Variants in MUC22 observed in about 807,000 individuals in gnomAD.
MUC22 encodes mucin-22.
Under a neutral mutation model 40.3 loss-of-function variants are expected in MUC22, and 24 were observed. The observed-to-expected ratio is 0.60, with a 90% confidence interval of 0.43 to 0.84. The LOEUF is 0.84. Among genes scored for constraint, MUC22 ranks in the 40% least tolerant of loss-of-function variants. The pLI, the probability that MUC22 is intolerant of heterozygous loss-of-function variation, is 0.00. For missense variants in MUC22, 1,926 were observed against 2,130.7 expected (o/e 0.90, Z 1.89); for synonymous variants, 765 against 844.5 (o/e 0.91, Z 1.63).
chr6:31,016,584 G>A (rs923865097), intron 1 of MUC22, among the ~76,000 whole-genome samples: 1 of 152,266 alleles, frequency 6.6e-6, no homozygotes, highest in Admixed American at 6.5e-5. Context: ...CAGGGTGTAA[G>A]CATTTCCTTA....
chr6:31,025,544 C>T (rs991269613), exon 2 of MUC22: 2 of 1,524,874 alleles, frequency 1.3e-6, no homozygotes, highest in African/African-American at 1.4e-5. Flanking sequence ...TCCGACACCA[C>T]CACAGCCTCC....
exon 2 of MUC22, chr6:31,026,641 T>C: frequency 6.6e-7 from 1 of 1,508,806 alleles, no homozygotes; most frequent in Non-Finnish European, 8.9e-7. Context: ...CACCGTGGGC[T>C]CTGAGACCAC....
At position 31,029,994 on chromosome 6, in the gene MUC22, A is replaced by C. The variant is rs1765929729; in HGVS notation, c.4563A>C (p.Thr1521=). 3.3e-6 allele frequency: 5 copies of C among 1,535,748 alleles called. No homozygotes were observed. In the East Asian group the frequency reaches 1.2e-4, roughly 38 times the overall value. ...CTGAGACCACCACAGTCTCTATCAC[A>C]GCTTCTGGGGCCACTGCAGCCTCCA... Residue 1521 remains threonine (T), a synonymous_variant, in exon 2 of 4, where the codon ACA becomes ACC. Coordinates refer to ENST00000561890, the Ensembl canonical transcript of MUC22.
At chr6:31,029,621 C>A in exon 2 of MUC22, 4 of 1,535,620 alleles carry the variant, frequency 2.6e-6, no homozygotes, top group Non-Finnish European at 3.5e-6. Flanking sequence ...GAGATGACTA[C>A]AGTCTTTACC....
intron 1 of MUC22, among the ~76,000 whole-genome samples, chr6:31,013,492 GTTTAT>G (rs925266350): frequency 9.2e-5 from 14 of 152,152 alleles, no homozygotes; most frequent in Non-Finnish European, 1.5e-4. Flanking sequence ...CCACTCACTT[GTTTAT>G]TTTATTTTAT....
chr6:31,012,146 T>A (rs960835168), intron 1 of MUC22, among the ~76,000 whole-genome samples: 1 of 152,178 alleles, frequency 6.6e-6, no homozygotes, highest in African/African-American at 2.4e-5. Context: ...GCTCATCCAT[T>A]CCATTGCCTT....
chr6:31,015,498 T>C (rs1029221293), intron 1 of MUC22, among the ~76,000 whole-genome samples: 4 of 152,182 alleles, frequency 2.6e-5, no homozygotes, highest in Admixed American at 2.0e-4. Flanking sequence ...AACTTAGCCA[T>C]GTGCCCAGGA....
At chr6:31,022,747 G>GAT (rs879195776) in intron 1 of MUC22, among the ~76,000 whole-genome samples, 1 of 152,090 alleles carries the variant, frequency 6.6e-6, no homozygotes, top group Admixed American at 6.6e-5. Context: ...GGTAGACAGT[G>GAT]ATAAAGGTGT....
At chr6:31,020,736 G>A (rs1632869) in intron 1 of MUC22, among the ~76,000 whole-genome samples, 47,705 of 152,092 alleles carry the variant, frequency 0.31, 7,830 homozygotes, top group Non-Finnish European at 0.34. Flanking sequence ...AGGTGCGAGC[G>A]GGAACCGGGA....
At chr6:31,021,855 C>T (rs1184934581) in intron 1 of MUC22, among the ~76,000 whole-genome samples, 1 of 152,096 alleles carries the variant, frequency 6.6e-6, no homozygotes, top group Admixed American at 6.6e-5. Context: ...GGTCGTTTTC[C>T]ACACTGTGGA....
exon 2 of MUC22, chr6:31,026,342 G>T: frequency 6.6e-7 from 1 of 1,506,416 alleles, no homozygotes; most frequent in South Asian, 1.2e-5. Context: ...TCCCCCACAG[G>T]CTCTCAGACC....
upstream of MUC22, chr6:31,006,249 C>T (rs1010136550): frequency 4.1e-6 from 1 of 241,682 alleles, no homozygotes; most frequent in Non-Finnish European, 8.4e-6. Flanking sequence ...CAGAGTCTTA[C>T]AAGGCACAGG....
chr6:31,022,125 C>G (rs535540570), intron 1 of MUC22, among the ~76,000 whole-genome samples: 1 of 152,248 alleles, frequency 6.6e-6, no homozygotes, highest in African/African-American at 2.4e-5. Flanking sequence ...ACTCCGAACA[C>G]ATCTGAACAT....
intron 3 of MUC22, among the ~76,000 whole-genome samples, chr6:31,033,719 G>T (rs10947124): frequency 0.37 from 56,167 of 151,840 alleles, 10,582 homozygotes; most frequent in Admixed American, 0.44. Context: ...AAATATGCTG[G>T]GTTGGAAATA....
At chr6:31,009,991 CATGTGCTGCTCT>C (rs1168776844), upstream of MUC22, among the ~76,000 whole-genome samples, 8 of 152,190 alleles carry the variant, frequency 5.3e-5, no homozygotes, top group African/African-American at 1.9e-4. Flanking sequence ...CTCACGTAGC[CATGTGCTGCTCT>C]GCAGCTGGGA....
chr6:31,022,092 C>G (rs1270347605), intron 1 of MUC22, among the ~76,000 whole-genome samples: 1 of 152,070 alleles, frequency 6.6e-6, no homozygotes, highest in African/African-American at 2.4e-5. Flanking sequence ...CCAGCGAGAG[C>G]ACAAACCCAC....
intron 1 of MUC22, among the ~76,000 whole-genome samples, chr6:31,022,746 T>C (rs1279508171): frequency 2.0e-5 from 3 of 152,118 alleles, no homozygotes; most frequent in Non-Finnish European, 1.5e-5. Context: ...AGGTAGACAG[T>C]GATAAAGGTG....
At chr6:31,021,691 T>G (rs1764759629) in intron 1 of MUC22, among the ~76,000 whole-genome samples, 1 of 152,084 alleles carries the variant, frequency 6.6e-6, no homozygotes. Flanking sequence ...GATGGGGACG[T>G]GGAGAACCTT....
At chr6:31,022,393 G>A (rs901786971) in intron 1 of MUC22, among the ~76,000 whole-genome samples, 2 of 152,062 alleles carry the variant, frequency 1.3e-5, no homozygotes, top group African/African-American at 4.8e-5. Context: ...CGAACTCCTG[G>A]TGATCTGCCT....
Sources: gnomAD v4.1 joint callset for allele counts (sites outside exome capture counted in the v4.1 genomes callset) on GRCh38, gnomAD v4.1.1 for gene constraint, MANE v1.5 for transcripts, NCBI Gene and HGNC (gene_info 2026-07-23, HGNC 2026-07-21) for gene names.